The following EPG5 variants were observed in gnomAD, a reference collection of about 807,000 sequenced individuals.
EPG5 encodes ectopic P-granules 5 autophagy tethering factor, also known as ectopic P granules protein 5 homolog.
EPG5 carries 159 observed loss-of-function variants against 302.7 expected under a neutral mutation model. That is an observed-to-expected ratio of 0.53 (90% CI 0.46 to 0.60). The LOEUF (loss-of-function observed/expected upper bound fraction) is 0.60, where lower values mean the gene tolerates loss of function less well. EPG5 is among the 20% of genes least tolerant of loss of function. The pLI, the probability that EPG5 is intolerant of heterozygous loss-of-function variation, is 0.00. For synonymous variants in EPG5, 1,158 were observed against 1,136.8 expected, an observed-to-expected ratio of 1.02 and a Z score of -0.37; for missense variants, 2,896 against 3,092.4, an observed-to-expected ratio of 0.94 and a Z score of 1.51.
chr18:45,854,022 G>A (rs1374353883), intron 43 of EPG5, among the ~76,000 whole-genome samples: 1 of 152,208 alleles, frequency 6.6e-6, no homozygotes, highest in African/African-American at 2.4e-5. Context: ...CCAAAGAAAT[G>A]AAGGCAAAGA....
At chr18:45,834,175 C>T in the EPG5 span, among the ~76,000 whole-genome samples, 4 of 152,192 alleles carry the variant, frequency 2.6e-5, no homozygotes, top group African/African-American at 9.7e-5. Context: ...AAGGGTTCTC[C>T]AATCCCTGCC....
At chr18:45,877,780 T>C (rs1419520184) in intron 34 of EPG5, among the ~76,000 whole-genome samples, 2 of 152,202 alleles carry the variant, frequency 1.3e-5, no homozygotes, top group Non-Finnish European at 2.9e-5. Context: ...AATTCAAGTT[T>C]TTGAAAACAA....
chr18:45,928,256 G>A (rs2145801836), intron 13 of EPG5, among the ~76,000 whole-genome samples: 1 of 152,102 alleles, frequency 6.6e-6, no homozygotes, highest in South Asian at 2.1e-4. Flanking sequence ...GGTTTTTGAG[G>A]TGATGAAAAT....
intron 10 of EPG5, among the ~76,000 whole-genome samples, chr18:45,938,533 T>C (rs1477112644): frequency 6.6e-6 from 1 of 152,030 alleles, no homozygotes; most frequent in Non-Finnish European, 1.5e-5. Context: ...CTTCACAGTG[T>C]CTAAAAGTGG....
At chr18:45,861,260 T>C (rs184190378) in intron 39 of EPG5, among the ~76,000 whole-genome samples, 5 of 152,372 alleles carry the variant, frequency 3.3e-5, no homozygotes, top group East Asian at 1.9e-4. Flanking sequence ...TTGAGAGAGA[T>C]AGTAACAGTA....
Position 45,921,963 on chromosome 18 carries a change from T to A in EPG5, c.3098+378A>T, listed in dbSNP as rs866410088. ...GTACCCTAGAACTTAAAGTAAAATT[T>A]AAAAAAAAAAAAAAAAAAGCCTGAG... On this transcript the variant is annotated intron_variant, in intron 16 of 43. Transcript: ENST00000282041. Among the ~76,000 whole-genome samples, 351 of 112,984 alleles carry A rather than the reference T, an allele frequency of 3.1e-3. 2 individuals carry two copies. Among genetic ancestry groups the A allele is most frequent in the Middle Eastern group, 0.023 (5 of 220 alleles). 74.1% of individuals were successfully genotyped at this position (112,984 alleles called of 152,430 possible). A position where few individuals can be genotyped will look rare whatever the true frequency, so the allele number is the denominator to read the frequency against.
chr18:45,839,823 G>A, the EPG5 span, among the ~76,000 whole-genome samples: 1 of 152,124 alleles, frequency 6.6e-6, no homozygotes, highest in Non-Finnish European at 1.5e-5. Flanking sequence ...CCCCAGAGAG[G>A]GAGGGAGCTT....
At chr18:45,903,532 C>A (rs1484742275) in intron 25 of EPG5, among the ~76,000 whole-genome samples, 1 of 152,082 alleles carries the variant, frequency 6.6e-6, no homozygotes, top group East Asian at 1.9e-4. Flanking sequence ...AATGATATGT[C>A]CTATATTTTT....
intron 1 of EPG5, among the ~76,000 whole-genome samples, chr18:45,960,105 C>T (rs1205759822): frequency 6.6e-6 from 1 of 152,064 alleles, no homozygotes; most frequent in Non-Finnish European, 1.5e-5. Flanking sequence ...ACAGGGAGAT[C>T]CCATCTTTAT....
chr18:45,898,384 G>A (rs901113033), intron 27 of EPG5, among the ~76,000 whole-genome samples: 4 of 152,200 alleles, frequency 2.6e-5, no homozygotes, highest in Non-Finnish European at 4.4e-5. Context: ...GAGTTGTTGT[G>A]AGGATAAAAT....
At chr18:45,828,128 G>A in the EPG5 span, among the ~76,000 whole-genome samples, 1 of 152,208 alleles carries the variant, frequency 6.6e-6, no homozygotes, top group African/African-American at 2.4e-5. Context: ...CTGGGCAGGA[G>A]GCCCGAGGAG....
At chr18:45,937,216 G>C (rs1309486405) in intron 10 of EPG5, among the ~76,000 whole-genome samples, 1 of 134,830 alleles carries the variant, frequency 7.4e-6, no homozygotes, top group African/African-American at 2.8e-5. Flanking sequence ...AGGAAGTCTG[G>C]CATATATATA....
At chr18:45,802,671 C>T in the EPG5 span, among the ~76,000 whole-genome samples, 1 of 152,222 alleles carries the variant, frequency 6.6e-6, no homozygotes, top group Non-Finnish European at 1.5e-5. Flanking sequence ...TGTCCTACTG[C>T]CTCTCCTCAC....
rs781643115 is a variant in EPG5, at chr18:45,901,134, T to C, written c.4508A>G (p.His1503Arg). ...KERVLSNLRK[H>R]EAPQPPLALH... The stretch of plus-strand genomic sequence containing the variant: ...AGCAAGGGGAGGCTGGGGAGCCTCA[T>C]GCTTCCGCAAGTTACTTAAAACCCT... The change falls in exon 26 of 44, where the codon CAT (histidine) becomes CGT (arginine). Residue 1503 changes from histidine (H) to arginine (R), a missense_variant. By Grantham distance (29) the His-to-Arg change is conservative (BLOSUM62 0). Coordinates refer to ENST00000282041, the MANE Select transcript of EPG5 (RefSeq NM_020964.3). The C allele has an allele frequency of 2.5e-6, 4 of 1,614,186 alleles. No individual in the cohort carries two copies. Among genetic ancestry groups the C allele is most frequent in the Non-Finnish European group, 2.5e-6 (3 of 1,180,032 alleles).
At chr18:45,825,318 G>C in the EPG5 span, among the ~76,000 whole-genome samples, 1 of 150,248 alleles carries the variant, frequency 6.7e-6, no homozygotes, top group Non-Finnish European at 1.5e-5. Context: ...GAGGAAGGAA[G>C]GAAAGGAAGG....
chr18:45,934,339 T>A (rs1472129431), intron 11 of EPG5, among the ~76,000 whole-genome samples: 2 of 152,028 alleles, frequency 1.3e-5, no homozygotes, highest in African/African-American at 4.8e-5. Context: ...TTAGAGGTGG[T>A]ATGACGCAAA....
chr18:45,813,425 C>T, the EPG5 span, among the ~76,000 whole-genome samples: 1 of 152,156 alleles, frequency 6.6e-6, no homozygotes, highest in Non-Finnish European at 1.5e-5. Flanking sequence ...GGTATATACC[C>T]AAATGATTAT....
chr18:45,928,371 T>C (rs973303624), intron 13 of EPG5, among the ~76,000 whole-genome samples: 2 of 152,184 alleles, frequency 1.3e-5, no homozygotes, highest in African/African-American at 4.8e-5. Flanking sequence ...GTGAATTACA[T>C]CTCAAGAAAA....
intron 36 of EPG5, among the ~76,000 whole-genome samples, chr18:45,869,747 T>A (rs2048830639): frequency 6.6e-6 from 1 of 152,170 alleles, no homozygotes; most frequent in African/African-American, 2.4e-5. Context: ...CAGATGGGGT[T>A]CCATTAAGGG....
Sources: allele counts gnomAD v4.1 joint callset (sites outside exome capture counted in the v4.1 genomes callset), GRCh38; gene constraint gnomAD v4.1.1; transcripts MANE v1.5; gene names NCBI Gene and HGNC (gene_info 2026-07-23, HGNC 2026-07-21).